The following RBBP9 variants were observed in gnomAD, a reference collection of about 807,000 sequenced individuals.
The protein encoded by RBBP9 is RB binding protein 9, serine hydrolase.
In RBBP9, 20 loss-of-function variants were observed where a neutral mutation model predicts 24.2. The ratio of observed to expected loss-of-function variants is 0.83; its 90% CI spans 0.58 to 1.20. The LOEUF (loss-of-function observed/expected upper bound fraction) is 1.20. Ranked by LOEUF, RBBP9 falls within the 50% of genes most tolerant of loss-of-function variation. The pLI, the probability that RBBP9 is intolerant of heterozygous loss-of-function variation, is 0.00. For missense variants in RBBP9, 234 were observed against 233.6 expected, an observed-to-expected ratio of 1.00 and a Z score of -0.01; for synonymous variants, 74 against 84.6, an observed-to-expected ratio of 0.87 and a Z score of 0.69.
rs375489380 is a variant in RBBP9 at position 18,495,813 on chromosome 20, A to T, written c.142+25T>A. ...TATCAAAACCCAACAAGATGAGGCTATTTAAAAACAAGTTTAAAACTTACT... is the reference window on the plus strand; with the variant it reads ...TATCAAAACCCAACAAGATGAGGCTTTTTAAAAACAAGTTTAAAACTTACT... On this transcript the variant is annotated intron_variant, in intron 2 of 4. Coordinates refer to ENST00000337227, the MANE Select transcript of RBBP9 (RefSeq NM_006606.3). 7.2e-6 allele frequency: 11 copies of T among 1,536,406 alleles called. No homozygotes were observed. In the South Asian group the frequency reaches 1.1e-4, roughly 16 times the overall value.
At chr20:18,496,945 G>T in intron 1 of RBBP9, 124 bp downstream of exon 1, 1 of 740,718 alleles carries the variant, frequency 1.4e-6, no homozygotes. Flanking sequence ...CGGGGGAGAG[G>T]CAGGAAAACA....
chr20:18,491,879 C>A (rs983015799), intron 3 of RBBP9, among the ~76,000 whole-genome samples: 1 of 151,924 alleles, frequency 6.6e-6, no homozygotes, highest in Non-Finnish European at 1.5e-5. Flanking sequence ...GGCAGATCAC[C>A]TGAGGTCAGG....
At position 18,489,899 on chromosome 20, in the gene RBBP9, G is replaced by A. The variant is rs1202665207; in HGVS notation, c.426C>T (p.Pro142=). Residue 142 remains proline (P), a synonymous_variant, in exon 5 of 5, where the codon CCC becomes CCT. Transcript: ENST00000337227. ...CGGCCACTTCTTGTTGTTCCTTCCAGGGAAGGAACGGGTCGTCAGTAGAGC... is the reference window on the plus strand; with the variant it reads ...CGGCCACTTCTTGTTGTTCCTTCCAAGGAAGGAACGGGTCGTCAGTAGAGC... The part of the protein sequence containing the change: ...QFGSTDDPFL[P]WKEQQEVADR... 6.2e-7 allele frequency: 1 copy of A among 1,613,478 alleles called. No homozygotes were observed. The highest frequency in any genetic ancestry group is 1.1e-5 in the South Asian group (1 of 91,070).
rs2059890325 is a variant in RBBP9, at chr20:18,497,212, T to G, written c.-45A>C. 6.6e-7 allele frequency: 1 copy of G among 1,525,748 alleles called. No individual in the cohort carries two copies. The highest frequency in any genetic ancestry group is 1.4e-5 in the African/African-American group (1 of 72,786). The allele number at this position is 1,525,748 out of a possible 1,614,324, so 94.5% of individuals were successfully genotyped here. The stretch of plus-strand genomic sequence containing the variant: ...TTCCCCAGCGCGGGTCCAGCGGAGC[T>G]GAGCCCAGCCTGCTCCCGCAGGGAG... On this transcript the variant is annotated 5_prime_UTR_variant, in exon 1 of 5. Coordinates refer to ENST00000337227, the MANE Select transcript of RBBP9 (RefSeq NM_006606.3).
At chr20:18,494,858 T>C (rs1055943573) in intron 2 of RBBP9, among the ~76,000 whole-genome samples, 19 of 152,230 alleles carry the variant, frequency 1.2e-4, no homozygotes, top group Admixed American at 5.2e-4. Context: ...ATGCCTCAAG[T>C]ATAGTACCCA....
chr20:18,491,309 A>G (rs1040711915), intron 3 of RBBP9, among the ~76,000 whole-genome samples: 3 of 152,216 alleles, frequency 2.0e-5, no homozygotes, highest in Non-Finnish European at 4.4e-5. Context: ...TGTCTTATGT[A>G]CATTTCTCTC....
intron 1 of RBBP9, 59 bp from the exon 2 acceptor site, chr20:18,495,939 T>A: frequency 7.4e-7 from 1 of 1,354,058 alleles, no homozygotes; most frequent in Admixed American, 2.4e-5. Context: ...ACTAATACTT[T>A]GCTAATAAGA....
At chr20:18,495,593 A>C (rs1049194947) in intron 2 of RBBP9, among the ~76,000 whole-genome samples, 11 of 50,692 alleles carry the variant, frequency 2.2e-4, no homozygotes, top group African/African-American at 3.3e-4. Flanking sequence ...ATAAATAAAT[A>C]AATAAATAAA....
intron 2 of RBBP9, among the ~76,000 whole-genome samples, chr20:18,495,526 C>G (rs1327067924): frequency 1.3e-5 from 2 of 150,126 alleles, no homozygotes; most frequent in Non-Finnish European, 3.0e-5. Context: ...CTTCCCTCCA[C>G]TATTGTCCTG....
At chr20:18,491,843 T>A (rs2059867096) in intron 3 of RBBP9, among the ~76,000 whole-genome samples, 1 of 151,968 alleles carries the variant, frequency 6.6e-6, no homozygotes, top group African/African-American at 2.4e-5. Context: ...ACACCTGTAA[T>A]CCCAGCACTT....
rs1301556712 is a variant in RBBP9, at chr20:18,489,817, CTG to C, written c.506_507del (p.Thr169ArgfsTer4). 1 of 1,613,834 alleles carries C rather than the reference CTG, an allele frequency of 6.2e-7. No homozygotes were observed. The highest frequency in any genetic ancestry group is 8.5e-7 in the Non-Finnish European group (1 of 1,179,870). On this transcript the variant is annotated frameshift_variant, in exon 5 of 5. Transcript: ENST00000337227. LOFTEE classifies it high-confidence loss of function. ...ACAACAGTAATCAGTTCATGAAACTCTGTGTTCTGAAAGTGGCCACAGTCAGT... is the reference window on the plus strand; with the variant it reads ...ACAACAGTAATCAGTTCATGAAACTCTGTTCTGAAAGTGGCCACAGTCAGT... The part of the protein sequence containing the change: ...KFTDCGHFQN[T>X]EFHELITVVK...
rs777517744 is a variant in RBBP9 at position 18,489,764 on chromosome 20, C to A, written c.561G>T (p.Ter187TyrextTer3). The A allele has an allele frequency of 1.3e-6, 2 of 1,596,732 alleles. No homozygotes were observed. The highest frequency in any genetic ancestry group is 1.7e-6 in the Non-Finnish European group (2 of 1,164,860). ...VVKSLLKVPA[*>Y] ...TGCAAAATAGCAGAAATCATACAGT[C>A]TATGCTGGTACTTTCAGCAAAGACT... The change falls in exon 5 of 5, where the codon TAG (stop) becomes TAT (tyrosine). Residue 187 changes from the stop codon to tyrosine (Y), a stop_lost. Transcript: ENST00000337227.
Position 18,497,057 on chromosome 20 carries a change from T to C in RBBP9, c.99+12A>G, listed in dbSNP as rs2059889225. On this transcript the variant is annotated intron_variant, in intron 1 of 4. Coordinates refer to ENST00000337227, the MANE Select transcript of RBBP9 (RefSeq NM_006606.3). ...AGGCTGACTTCACGGAGCAGCGGCG[T>C]TGGGCGCTTACCTTCTCCAGCTCCT... 6.2e-7 allele frequency: 1 copy of C among 1,611,454 alleles called. No homozygotes were observed. Among genetic ancestry groups the C allele is most frequent in the Non-Finnish European group, 8.5e-7 (1 of 1,177,722 alleles).
intron 3 of RBBP9, among the ~76,000 whole-genome samples, chr20:18,491,484 A>T (rs1279827273): frequency 6.6e-6 from 1 of 152,194 alleles, no homozygotes; most frequent in African/African-American, 2.4e-5. Flanking sequence ...GACAAGAAAT[A>T]AACAGGATGT....
At position 18,488,234 on chromosome 20, in the gene RBBP9, G is replaced by C. The variant is rs1161288305; in HGVS notation, c.*1530C>G. ...CGATCATAATAGCCAAAAAATGTTG[G>C]GAAATGAAAAAGGGTGGGTTTTTTT... On this transcript the variant is annotated 3_prime_UTR_variant, in exon 5 of 5. Coordinates refer to ENST00000337227, the MANE Select transcript of RBBP9 (RefSeq NM_006606.3). 1 of 151,576 alleles carries C rather than the reference G, an allele frequency of 6.6e-6. No individual in the cohort carries two copies. The highest frequency in any genetic ancestry group is 1.5e-5 in the Non-Finnish European group (1 of 67,922). The allele number at this position is 151,576 out of a possible 1,614,324, so 9.4% of individuals were successfully genotyped here.
chr20:18,496,190 G>T (rs2059886207), intron 1 of RBBP9, among the ~76,000 whole-genome samples: 1 of 152,212 alleles, frequency 6.6e-6, no homozygotes, highest in Admixed American at 6.5e-5. Context: ...GAGCCAAATA[G>T]ACTGTGTTCC....
At position 18,489,194 on chromosome 20, in the gene RBBP9, T is replaced by C. The variant is rs2059855190; in HGVS notation, c.*570A>G. On this transcript the variant is annotated 3_prime_UTR_variant, in exon 5 of 5. Transcript: ENST00000337227. ...TGAATGTATATTGCTGTGCTTCTCCTTCCTGCCTGACTCCGGAAGACTCCT... is the reference window on the plus strand; with the variant it reads ...TGAATGTATATTGCTGTGCTTCTCCCTCCTGCCTGACTCCGGAAGACTCCT... 1 of 152,450 alleles carries C rather than the reference T, an allele frequency of 6.6e-6. No individual in the cohort carries two copies. The highest frequency in any genetic ancestry group is 1.5e-5 in the Non-Finnish European group (1 of 68,168). 9.4% of individuals were successfully genotyped at this position (152,450 alleles called of 1,614,324 possible).
intron 3 of RBBP9, among the ~76,000 whole-genome samples, chr20:18,493,140 G>C (rs2059871620): frequency 6.6e-6 from 1 of 151,276 alleles, no homozygotes; most frequent in South Asian, 2.1e-4. Flanking sequence ...AACCCTTATA[G>C]GCTAAACTTA....
chr20:18,490,100 G>C (rs556155493), intron 4 of RBBP9, 110 bp from the exon 5 acceptor site: 1 of 743,788 alleles, frequency 1.3e-6, no homozygotes, highest in East Asian at 2.7e-5. Flanking sequence ...CAGAGCCTCC[G>C]TGTGAGTTAG....
Sources: gnomAD v4.1 joint callset for allele counts (sites outside exome capture counted in the v4.1 genomes callset) on GRCh38, gnomAD v4.1.1 for gene constraint, MANE v1.5 for transcripts, NCBI Gene and HGNC (gene_info 2026-07-23, HGNC 2026-07-21) for gene names.